FNIP1: variants seen among roughly 807,000 people sequenced by gnomAD.
The protein encoded by FNIP1 is folliculin-interacting protein 1.
A neutral mutation model predicts 124.5 loss-of-function variants in FNIP1; 40 were observed. That is an observed-to-expected ratio of 0.32 (90% CI 0.25 to 0.42). The LOEUF (loss-of-function observed/expected upper bound fraction) is 0.42. Among genes scored for constraint, FNIP1 ranks in the 10% least tolerant of loss-of-function variants. The probability of loss-of-function intolerance (pLI) is 1.00; values close to 1 mark genes in which losing one functional copy is unlikely to be tolerated. For synonymous variants in FNIP1, 472 were observed against 470.6 expected, an observed-to-expected ratio of 1.00 and a Z score of -0.04; for missense variants, 1,176 against 1,403.7, an observed-to-expected ratio of 0.84 and a Z score of 2.59.
chr5:131,738,998 T>C (rs1350721421), intron 2 of FNIP1, among the ~76,000 whole-genome samples: 2 of 151,916 alleles, frequency 1.3e-5, no homozygotes, highest in Admixed American at 6.6e-5. Flanking sequence ...ATGTTTTCTG[T>C]AGAGACGGGG....
intron 3 of FNIP1, among the ~76,000 whole-genome samples, chr5:131,730,630 T>C (rs943594675): frequency 2.0e-5 from 3 of 152,154 alleles, no homozygotes; most frequent in African/African-American, 7.2e-5. Context: ...AATAAAAAAG[T>C]ATGTAAAATA....
At chr5:131,778,211 A>C (rs558690298) in intron 1 of FNIP1, among the ~76,000 whole-genome samples, 1 of 152,284 alleles carries the variant, frequency 6.6e-6, no homozygotes, top group Non-Finnish European at 1.5e-5. Flanking sequence ...AAAACAAAAA[A>C]AACAACATAC....
At chr5:131,767,852 T>C (rs1771492128) in intron 1 of FNIP1, among the ~76,000 whole-genome samples, 1 of 152,230 alleles carries the variant, frequency 6.6e-6, no homozygotes, top group South Asian at 2.1e-4. Context: ...AAAATCTTGA[T>C]TAATATTTAT....
chr5:131,790,937 A>C (rs1772388767), intron 1 of FNIP1, among the ~76,000 whole-genome samples: 1 of 151,838 alleles, frequency 6.6e-6, no homozygotes, highest in South Asian at 2.1e-4. Flanking sequence ...GGCCAGAAGA[A>C]AGCAAGAAGT....
intron 17 of FNIP1, among the ~76,000 whole-genome samples, 158 bp from the exon 18 acceptor site, chr5:131,644,921 GAA>G (rs2149500518): frequency 6.6e-6 from 1 of 152,284 alleles, no homozygotes; most frequent in South Asian, 2.1e-4. Flanking sequence ...ATAAAACACA[GAA>G]CTACAGATAC....
At chr5:131,657,736 C>A (rs1010584721) in intron 15 of FNIP1, among the ~76,000 whole-genome samples, 756 of 64,936 alleles carry the variant, frequency 0.012, 1 homozygote, top group East Asian at 0.029. Context: ...GAAAATAAGG[C>A]AAAAAAAAAA....
At chr5:131,725,701 C>G (rs549988525) in intron 3 of FNIP1, among the ~76,000 whole-genome samples, 2 of 152,078 alleles carry the variant, frequency 1.3e-5, no homozygotes, top group African/African-American at 4.8e-5. Flanking sequence ...TTTCTCTTGC[C>G]TGATTGCCCT....
rs2149500104 is a variant in FNIP1, at chr5:131,644,050, A to T, written c.*635T>A. On this transcript the variant is annotated 3_prime_UTR_variant, in exon 18 of 18. Transcript: ENST00000510461. ...GACAATACTAGTTGAAAATATATAT[A>T]TTTTTAAAGGCATGTTTACCAGTCT... 6.6e-6 allele frequency: 1 copy of T among 152,388 alleles called. No individual in the cohort carries two copies. Among genetic ancestry groups the T allele is most frequent in the Non-Finnish European group, 1.5e-5 (1 of 67,992 alleles). 9.4% of individuals were successfully genotyped at this position (152,388 alleles called of 1,614,324 possible). A position where few individuals can be genotyped will look rare whatever the true frequency, so the allele number is the denominator to read the frequency against.
chr5:131,698,886 A>G, intron 11 of FNIP1, 31 bp downstream of exon 11: 1 of 1,546,588 alleles, frequency 6.5e-7, no homozygotes, highest in Non-Finnish European at 8.8e-7. Context: ...ACTATGAATT[A>G]CTGCATTATG....
At chr5:131,750,861 G>A (rs768264244) in intron 1 of FNIP1, among the ~76,000 whole-genome samples, 23 of 152,074 alleles carry the variant, frequency 1.5e-4, no homozygotes, top group Admixed American at 3.3e-4. Context: ...AATCTGCTGG[G>A]ATTACAGGTA....
chr5:131,761,738 T>C (rs1580817741), intron 1 of FNIP1, among the ~76,000 whole-genome samples: 1 of 151,960 alleles, frequency 6.6e-6, no homozygotes, highest in Non-Finnish European at 1.5e-5. Context: ...AATGACATTC[T>C]TGACAGGAAT....
intron 10 of FNIP1, among the ~76,000 whole-genome samples, chr5:131,701,042 G>A (rs1403633309): frequency 2.0e-5 from 3 of 152,194 alleles, no homozygotes; most frequent in Non-Finnish European, 4.4e-5. Context: ...GGCCTGTCAG[G>A]AATTGGGTCG....
intron 12 of FNIP1, 125 bp from the exon 13 acceptor site, chr5:131,677,997 G>T: frequency 1.2e-6 from 1 of 824,062 alleles, no homozygotes; most frequent in Non-Finnish European, 1.8e-6. Flanking sequence ...AAAAAAAGGA[G>T]AAGAGAGAGG....
At chr5:131,746,372 CAG>C (rs1249173902) in intron 1 of FNIP1, among the ~76,000 whole-genome samples, 1 of 152,136 alleles carries the variant, frequency 6.6e-6, no homozygotes, top group East Asian at 1.9e-4. Context: ...TGCTGTCACC[CAG>C]AGAGAGAGCA....
At chr5:131,746,979 G>A (rs1471738614) in intron 1 of FNIP1, among the ~76,000 whole-genome samples, 1 of 152,154 alleles carries the variant, frequency 6.6e-6, no homozygotes, top group East Asian at 1.9e-4. Context: ...TCTGATTGAT[G>A]TGAGATGGTA....
intron 3 of FNIP1, among the ~76,000 whole-genome samples, chr5:131,729,256 C>A (rs1182708866): frequency 6.6e-6 from 1 of 152,204 alleles, no homozygotes; most frequent in African/African-American, 2.4e-5. Context: ...AAGGCAGGAA[C>A]ATTTAAGTCT....
chr5:131,777,415 G>A (rs2149581612), intron 1 of FNIP1, among the ~76,000 whole-genome samples: 1 of 151,998 alleles, frequency 6.6e-6, no homozygotes, highest in East Asian at 1.9e-4. Flanking sequence ...GGGAAAAATG[G>A]TCCTGTCGTA....
intron 15 of FNIP1, among the ~76,000 whole-genome samples, chr5:131,657,662 TG>T (rs1767237421): frequency 6.9e-6 from 1 of 145,422 alleles, no homozygotes; most frequent in Admixed American, 7.2e-5. Flanking sequence ...TGGAGAAAAC[TG>T]TGTCCAGATG....
chr5:131,728,415 A>T (rs1301985775), intron 3 of FNIP1, among the ~76,000 whole-genome samples: 1 of 151,806 alleles, frequency 6.6e-6, no homozygotes, highest in African/African-American at 2.4e-5. Context: ...TTCATGCTTT[A>T]TGTCATTAAG....
Sources: gnomAD v4.1 joint callset for allele counts (sites outside exome capture counted in the v4.1 genomes callset) on GRCh38, gnomAD v4.1.1 for gene constraint, MANE v1.5 for transcripts, NCBI Gene and HGNC (gene_info 2026-07-23, HGNC 2026-07-21) for gene names.